The following ZSCAN25 variants were observed in gnomAD, a reference collection of about 807,000 sequenced individuals.
ZSCAN25 encodes the protein zinc finger and SCAN domain-containing protein 25.
In ZSCAN25, 27 loss-of-function variants were observed where a neutral mutation model predicts 38.7. The observed-to-expected ratio is 0.70, with a 90% CI of 0.51 to 0.96. The LOEUF (loss-of-function observed/expected upper bound fraction) is 0.96. ZSCAN25 is among the 40% of genes least tolerant of loss of function. The pLI is 0.00. For missense variants in ZSCAN25, 637 were observed against 705.9 expected (o/e 0.90, Z 1.11); for synonymous variants, 273 against 277.7 (o/e 0.98, Z 0.17).
chr7:99,687,963 G>A, the ZSCAN25 span, among the ~76,000 whole-genome samples: 1 of 152,102 alleles, frequency 6.6e-6, no homozygotes, highest in Non-Finnish European at 1.5e-5. Flanking sequence ...TTACAGACAA[G>A]CAAATGCTGA....
the ZSCAN25 span, among the ~76,000 whole-genome samples, chr7:99,702,145 A>C: frequency 6.8e-6 from 1 of 146,828 alleles, no homozygotes; most frequent in African/African-American, 2.5e-5. Flanking sequence ...GCTGGCATGC[A>C]TTGGTATGAT....
At chr7:99,668,922 A>G in the ZSCAN25 span, among the ~76,000 whole-genome samples, 4 of 152,346 alleles carry the variant, frequency 2.6e-5, no homozygotes, top group East Asian at 7.7e-4. Context: ...AGCAATTATC[A>G]ATAATATTTC....
At chr7:99,639,449 G>A in the ZSCAN25 span, among the ~76,000 whole-genome samples, 1 of 152,162 alleles carries the variant, frequency 6.6e-6, no homozygotes, top group Non-Finnish European at 1.5e-5. Context: ...AGCAAACTAG[G>A]TGGTCCCTGT....
chr7:99,658,216 G>C, the ZSCAN25 span, among the ~76,000 whole-genome samples: 6 of 152,208 alleles, frequency 3.9e-5, no homozygotes, highest in East Asian at 1.2e-3. Flanking sequence ...GCAGTGGCTG[G>C]TACCAGTTGT....
the ZSCAN25 span, chr7:99,705,506 T>G: frequency 6.2e-7 from 1 of 1,613,404 alleles, no homozygotes; most frequent in Non-Finnish European, 8.5e-7. Context: ...GAAATCAGGC[T>G]CCACTTACGG....
the ZSCAN25 span, chr7:99,672,776 A>G: frequency 5.7e-6 from 9 of 1,583,818 alleles, no homozygotes; most frequent in Non-Finnish European, 7.7e-6. Context: ...ATGTTATGTA[A>G]TCCATACCCC....
the ZSCAN25 span, chr7:99,705,102 T>C: frequency 4.8e-6 from 1 of 207,714 alleles, no homozygotes; most frequent in African/African-American, 2.3e-5. Context: ...ACTACAGATA[T>C]AACACATGAT....
the ZSCAN25 span, among the ~76,000 whole-genome samples, chr7:99,656,683 A>G: frequency 6.6e-6 from 1 of 152,224 alleles, no homozygotes; most frequent in African/African-American, 2.4e-5. Flanking sequence ...TACCTCTGGT[A>G]GAATTCGGCG....
chr7:99,700,131 C>G, the ZSCAN25 span: 1 of 834,606 alleles, frequency 1.2e-6, no homozygotes, highest in Non-Finnish European at 2.0e-6. Flanking sequence ...CTGCCCTGCA[C>G]AGCAGTCTTA....
the ZSCAN25 span, among the ~76,000 whole-genome samples, chr7:99,692,791 C>T: frequency 6.6e-6 from 1 of 152,166 alleles, no homozygotes; most frequent in Non-Finnish European, 1.5e-5. Flanking sequence ...GTTAGCCATT[C>T]ATGTAACCTT....
chr7:99,709,350 TTCCAGAGAACAAC>T, the ZSCAN25 span: 1 of 1,543,010 alleles, frequency 6.5e-7, no homozygotes. Flanking sequence ...CTGTTAGAAG[TTCCAGAGAACAAC>T]TCATACTGGC....
chr7:99,685,975 T>C, the ZSCAN25 span, among the ~76,000 whole-genome samples: 2 of 152,186 alleles, frequency 1.3e-5, no homozygotes, highest in African/African-American at 4.8e-5. Flanking sequence ...CATGGCATTA[T>C]CTCCTTCCCA....
the ZSCAN25 span, among the ~76,000 whole-genome samples, chr7:99,716,473 T>C: frequency 3.3e-5 from 5 of 152,322 alleles, no homozygotes; most frequent in Admixed American, 6.5e-5. Flanking sequence ...GTTGCCCTGA[T>C]GGCAGAATTA....
the ZSCAN25 span, among the ~76,000 whole-genome samples, chr7:99,733,827 AG>A: frequency 6.6e-6 from 1 of 152,214 alleles, no homozygotes; most frequent in Non-Finnish European, 1.5e-5. Flanking sequence ...TCTAGCCCTG[AG>A]AGTTTAGGAT....
At chr7:99,693,605 G>C in the ZSCAN25 span, among the ~76,000 whole-genome samples, 1 of 152,186 alleles carries the variant, frequency 6.6e-6, no homozygotes, top group Non-Finnish European at 1.5e-5. Context: ...AGCTACTCAA[G>C]CCTCAGCAAT....
intron 6 of ZSCAN25, among the ~76,000 whole-genome samples, chr7:99,623,805 G>A (rs1584354199): frequency 1.3e-5 from 2 of 152,174 alleles, no homozygotes; most frequent in African/African-American, 4.8e-5. Flanking sequence ...GGTAAATAGC[G>A]GCTGCCAGGC....
chr7:99,731,244 G>T, the ZSCAN25 span: 1 of 1,422,896 alleles, frequency 7.0e-7, no homozygotes, highest in Non-Finnish European at 9.8e-7. Context: ...GGAATGATCA[G>T]GCAAAGGAGG....
the ZSCAN25 span, among the ~76,000 whole-genome samples, chr7:99,725,910 T>G: frequency 4.6e-5 from 7 of 152,298 alleles, no homozygotes; most frequent in African/African-American, 1.7e-4. Context: ...ATAACTGTTG[T>G]GGGTATTGAC....
the ZSCAN25 span, chr7:99,713,581 A>C: frequency 1.2e-6 from 2 of 1,612,196 alleles, no homozygotes; most frequent in Non-Finnish European, 1.7e-6. Flanking sequence ...TGACTCGTGA[A>C]GTCAGAAGTT....
Sources: gnomAD v4.1 joint callset for allele counts (sites outside exome capture counted in the v4.1 genomes callset) on GRCh38, gnomAD v4.1.1 for gene constraint, MANE v1.5 for transcripts, NCBI Gene and HGNC (gene_info 2026-07-23, HGNC 2026-07-21) for gene names.